PDE11A: variants seen among roughly 807,000 people sequenced by gnomAD.
PDE11A encodes the protein phosphodiesterase 11A.
In PDE11A, 100 loss-of-function variants were observed where a neutral mutation model predicts 100.5. The observed-to-expected ratio is 1.00, with a 90% CI of 0.85 to 1.18. The LOEUF (loss-of-function observed/expected upper bound fraction) is 1.18, where lower values mean the gene tolerates loss of function less well. Among genes scored for constraint, PDE11A ranks in the 50% most tolerant of loss-of-function variants. The pLI, the probability that PDE11A is intolerant of heterozygous loss-of-function variation, is 0.00. For synonymous variants in PDE11A, 381 were observed against 420.8 expected (o/e 0.91, Z 1.16); for missense variants, 1,141 against 1,152.6 (o/e 0.99, Z 0.15).
chr2:177,727,908 T>C (rs2081623631), intron 11 of PDE11A, 118 bp downstream of exon 11: 1 of 1,017,762 alleles, frequency 9.8e-7, no homozygotes, highest in Non-Finnish European at 1.6e-6. Context: ...AGTAATCCCA[T>C]GAGGTGTGCA....
chr2:177,705,341 A>C (rs1310881251), intron 13 of PDE11A, among the ~76,000 whole-genome samples: 1 of 152,230 alleles, frequency 6.6e-6, no homozygotes, highest in Non-Finnish European at 1.5e-5. Flanking sequence ...TTTGGGGCAC[A>C]CATCCTTTAG....
chr2:177,927,978 C>G (rs2085153021), intron 2 of PDE11A, among the ~76,000 whole-genome samples: 2 of 152,046 alleles, frequency 1.3e-5, no homozygotes, highest in East Asian at 1.9e-4. Flanking sequence ...GTGGTGCATG[C>G]CTGTAATCCC....
At chr2:178,076,120 C>T (rs573048024), upstream of PDE11A, among the ~76,000 whole-genome samples, 7 of 152,052 alleles carry the variant, frequency 4.6e-5, no homozygotes, top group African/African-American at 9.7e-5. Context: ...CACTATCACA[C>T]GTGAAAAGGC....
chr2:178,051,047 C>G (rs1366505438), intron 1 of PDE11A, among the ~76,000 whole-genome samples: 2 of 146,454 alleles, frequency 1.4e-5, no homozygotes, highest in African/African-American at 5.0e-5. Flanking sequence ...CTCCAAGACA[C>G]ATAATTAACA....
At chr2:178,020,765 T>C (rs2086397568) in intron 1 of PDE11A, among the ~76,000 whole-genome samples, 1 of 151,944 alleles carries the variant, frequency 6.6e-6, no homozygotes, top group Non-Finnish European at 1.5e-5. Flanking sequence ...GCCACTGCAC[T>C]CCAGACTGGG....
At chr2:177,640,705 T>C (rs1044868071) in intron 19 of PDE11A, among the ~76,000 whole-genome samples, 1 of 152,266 alleles carries the variant, frequency 6.6e-6, no homozygotes, top group Admixed American at 6.5e-5. Context: ...TGGAAATCAC[T>C]TTGGCTTTCC....
intron 2 of PDE11A, among the ~76,000 whole-genome samples, chr2:177,999,763 AATC>A (rs1378472785): frequency 6.6e-6 from 1 of 152,196 alleles, no homozygotes; most frequent in Non-Finnish European, 1.5e-5. Context: ...TCTTGTGAGG[AATC>A]ATTTTAAATT....
chr2:177,834,253 G>A (rs2083355131), intron 6 of PDE11A, among the ~76,000 whole-genome samples: 1 of 152,156 alleles, frequency 6.6e-6, no homozygotes, highest in Admixed American at 6.5e-5. Flanking sequence ...TGTCAGAAGG[G>A]TGAGTAAAAT....
chr2:177,865,010 T>C (rs1330309887), intron 5 of PDE11A, among the ~76,000 whole-genome samples: 19 of 152,158 alleles, frequency 1.2e-4, no homozygotes, highest in Non-Finnish European at 5.9e-5. Flanking sequence ...CCAGGCACAG[T>C]AGCTCACACC....
intron 5 of PDE11A, 86 bp downstream of exon 5, chr2:177,875,770 AACT>A: frequency 1.2e-6 from 1 of 838,952 alleles, no homozygotes; most frequent in Non-Finnish European, 2.1e-6. Context: ...TAATATAAAG[AACT>A]ACTACTATCT....
chr2:178,070,452 G>C (rs1274527227), intron 1 of PDE11A, among the ~76,000 whole-genome samples: 1 of 152,082 alleles, frequency 6.6e-6, no homozygotes, highest in Non-Finnish European at 1.5e-5. Context: ...CTAAACTCTA[G>C]AGAAACATGT....
At chr2:177,961,188 C>T (rs932436004) in intron 2 of PDE11A, among the ~76,000 whole-genome samples, 1 of 152,146 alleles carries the variant, frequency 6.6e-6, no homozygotes, top group African/African-American at 2.4e-5. Context: ...TTCCTCCCAT[C>T]TTCTCCTACA....
intron 12 of PDE11A, among the ~76,000 whole-genome samples, chr2:177,713,090 C>T (rs947263442): frequency 1.3e-5 from 2 of 152,072 alleles, no homozygotes; most frequent in Non-Finnish European, 2.9e-5. Flanking sequence ...CTTACTGCAA[C>T]CTCTGCCTCC....
At chr2:177,728,302 C>CTT in intron 10 of PDE11A, 130 bp from the exon 11 acceptor site, 1 of 679,062 alleles carries the variant, frequency 1.5e-6, no homozygotes, top group East Asian at 3.0e-5. Context: ...CCTGATACAG[C>CTT]TAAACTCTGA....
intron 19 of PDE11A, among the ~76,000 whole-genome samples, chr2:177,632,587 G>T (rs1439381464): frequency 6.6e-6 from 1 of 152,082 alleles, no homozygotes; most frequent in African/African-American, 2.4e-5. Flanking sequence ...TGCTCTGGGG[G>T]ACCTTTCAGA....
chr2:177,884,742 C>T (rs1289814854), intron 4 of PDE11A, among the ~76,000 whole-genome samples: 3 of 152,126 alleles, frequency 2.0e-5, no homozygotes, highest in African/African-American at 7.2e-5. Flanking sequence ...GAAGAGTGCC[C>T]TCTTTGCAAG....
At chr2:178,086,895 A>C (rs1332717159) in intron 2 of PDE11A, among the ~76,000 whole-genome samples, 1 of 152,214 alleles carries the variant, frequency 6.6e-6, no homozygotes, top group Non-Finnish European at 1.5e-5. Context: ...CAGTTTTCTC[A>C]ACTTTAAAAT....
At chr2:177,833,550 A>G (rs1031638200) in intron 6 of PDE11A, among the ~76,000 whole-genome samples, 3 of 152,186 alleles carry the variant, frequency 2.0e-5, no homozygotes, top group Admixed American at 1.3e-4. Flanking sequence ...GCCTTAAGAA[A>G]GCTGTGTGGT....
chr2:177,762,400 T>C (rs918855604), intron 10 of PDE11A, among the ~76,000 whole-genome samples: 1 of 152,094 alleles, frequency 6.6e-6, no homozygotes, highest in Admixed American at 6.5e-5. Flanking sequence ...AGAGGAAAAC[T>C]AAAAAGAAGA....
Sources: gnomAD v4.1 joint callset for allele counts (sites outside exome capture counted in the v4.1 genomes callset) on GRCh38, gnomAD v4.1.1 for gene constraint, MANE v1.5 for transcripts, NCBI Gene and HGNC (gene_info 2026-07-23, HGNC 2026-07-21) for gene names.